The following CCDC3 variants were observed in gnomAD, a reference collection of about 807,000 sequenced individuals.
The protein encoded by CCDC3 is coiled-coil domain-containing protein 3.
A neutral mutation model predicts 21.4 loss-of-function variants in CCDC3; 24 were observed. That is an observed-to-expected ratio of 1.12 (90% CI 0.81 to 1.58). The LOEUF (loss-of-function observed/expected upper bound fraction) is 1.58. CCDC3 is among the 40% of genes most tolerant of loss of function. The pLI, the probability that CCDC3 is intolerant of heterozygous loss-of-function variation, is 0.00. For synonymous variants in CCDC3, 186 were observed against 166.0 expected (o/e 1.12, Z -0.93); for missense variants, 425 against 360.9 (o/e 1.18, Z -1.44).
intron 2 of CCDC3, among the ~76,000 whole-genome samples, chr10:12,952,393 C>T (rs1195551541): frequency 6.6e-6 from 1 of 152,142 alleles, no homozygotes; most frequent in African/African-American, 2.4e-5. Flanking sequence ...TTGAACCCAA[C>T]AAAGAAATCA....
intron 2 of CCDC3, among the ~76,000 whole-genome samples, chr10:12,921,783 C>T (rs1287331243): frequency 6.6e-6 from 1 of 152,158 alleles, no homozygotes; most frequent in Admixed American, 6.5e-5. Flanking sequence ...AACTCTGTCA[C>T]CCAGCTGGAG....
chr10:13,018,596 C>T (rs1453526778), intron 5 of CCDC3, among the ~76,000 whole-genome samples: 2 of 152,094 alleles, frequency 1.3e-5, no homozygotes, highest in Non-Finnish European at 2.9e-5. Flanking sequence ...AAGAATCTCA[C>T]AGGATTTTCG....
intron 4 of CCDC3, among the ~76,000 whole-genome samples, chr10:13,051,339 C>A (rs1836604953): frequency 6.6e-6 from 1 of 152,176 alleles, no homozygotes; most frequent in Non-Finnish European, 1.5e-5. Flanking sequence ...GTCAGAAAAG[C>A]AATGAGGTAT....
intron 4 of CCDC3, among the ~76,000 whole-genome samples, chr10:13,062,085 G>C (rs1156668887): frequency 6.6e-6 from 1 of 151,190 alleles, no homozygotes; most frequent in Non-Finnish European, 1.5e-5. Flanking sequence ...GCCAGATTCA[G>C]AAAGGAAAGT....
At chr10:13,066,147 A>C (rs2131436270) in intron 4 of CCDC3, among the ~76,000 whole-genome samples, 1 of 151,068 alleles carries the variant, frequency 6.6e-6, no homozygotes, top group South Asian at 2.1e-4. Context: ...TTGCAGCTTA[A>C]CAAGCACCCT....
At chr10:13,008,811 T>C (rs1249223705) in intron 5 of CCDC3, among the ~76,000 whole-genome samples, 1 of 152,220 alleles carries the variant, frequency 6.6e-6, no homozygotes, top group East Asian at 1.9e-4. Context: ...AAAGCATCTA[T>C]GCAGTCTACT....
rs1834669508 is a variant in CCDC3 at position 12,932,832 on chromosome 10, T to TC, written c.550-34154dup. Among the ~76,000 whole-genome samples the TC allele has an allele frequency of 2.6e-5, 4 of 152,210 alleles. No individual in the cohort carries two copies. In the South Asian group the frequency reaches 8.3e-4, roughly 32 times the overall value. On this transcript the variant is annotated intron_variant, in intron 2 of 2. Transcript: ENST00000378825. The stretch of plus-strand genomic sequence containing the variant: ...ATGTTCTTTATGAAGTTGAGACAGT[T>TC]CCCCTCTACTCCGAGTTTGCTGATA...
chr10:13,042,247 T>A (rs902655147), intron 5 of CCDC3, among the ~76,000 whole-genome samples: 5 of 152,258 alleles, frequency 3.3e-5, no homozygotes, highest in African/African-American at 7.2e-5. Flanking sequence ...GAAAACACTT[T>A]GAAAACTGCA....
At chr10:12,918,714 A>G (rs1360080524) in intron 2 of CCDC3, among the ~76,000 whole-genome samples, 1 of 152,200 alleles carries the variant, frequency 6.6e-6, no homozygotes, top group Non-Finnish European at 1.5e-5. Flanking sequence ...GATTAAACAG[A>G]TGGAAGGGGG....
At chr10:12,974,899 C>A (rs1422409659) in intron 2 of CCDC3, among the ~76,000 whole-genome samples, 1 of 152,168 alleles carries the variant, frequency 6.6e-6, no homozygotes, top group East Asian at 1.9e-4. Context: ...TTTTTGAGAA[C>A]CCACTATGCA....
intron 2 of CCDC3, among the ~76,000 whole-genome samples, chr10:12,955,980 T>C (rs1835077402): frequency 6.6e-6 from 1 of 152,146 alleles, no homozygotes; most frequent in Admixed American, 6.5e-5. Flanking sequence ...AGTGCTGGGA[T>C]TACAGATGTC....
rs543615698 is a variant in CCDC3, at chr10:13,097,526, C to A, written c.-503+999G>T. Among the ~76,000 whole-genome samples the A allele has an allele frequency of 8.4e-4, 128 of 152,292 alleles. 1 individual carries two copies. Among genetic ancestry groups the A allele is most frequent in the African/African-American group, 2.9e-3 (121 of 41,566 alleles). On this transcript the variant is annotated intron_variant, in intron 3 of 6. Coordinates refer to the CCDC3 transcript ENST00000378839. ...ATCACCCGAGGTCAGGAGTTCAATA[C>A]CAGGCTGGTCAACATGGCGAAACCT...
At chr10:12,956,596 T>C (rs1835090229) in intron 2 of CCDC3, among the ~76,000 whole-genome samples, 1 of 152,228 alleles carries the variant, frequency 6.6e-6, no homozygotes, top group Admixed American at 6.5e-5. Context: ...TGCCTGGAGC[T>C]TCTGTTGGCT....
intron 2 of CCDC3, among the ~76,000 whole-genome samples, chr10:12,933,222 T>C (rs958815224): frequency 7.9e-5 from 12 of 152,188 alleles, no homozygotes; most frequent in African/African-American, 2.7e-4. Flanking sequence ...TGTAGGGAGC[T>C]GGTACAATTT....
At chr10:13,074,160 T>TTA (rs1564340397) in intron 3 of CCDC3, 15 of 71,204 alleles carry the variant, frequency 2.1e-4, no homozygotes, top group African/African-American at 7.7e-4. Context: ...TATATTTTTT[T>TTA]TTTTTTTTTT....
intron 5 of CCDC3, among the ~76,000 whole-genome samples, chr10:13,041,548 C>G (rs1283948667): frequency 1.1e-5 from 1 of 91,968 alleles, no homozygotes; most frequent in Non-Finnish European, 1.8e-5. Flanking sequence ...TTTTTTGAGC[C>G]AGAGTCTCAC....
At chr10:12,918,026 T>C (rs927092434) in intron 2 of CCDC3, among the ~76,000 whole-genome samples, 1 of 152,212 alleles carries the variant, frequency 6.6e-6, no homozygotes, top group Non-Finnish European at 1.5e-5. Flanking sequence ...TAGAATCTAG[T>C]TGGGTATATG....
At chr10:12,920,168 G>A (rs1834425961) in intron 2 of CCDC3, among the ~76,000 whole-genome samples, 1 of 152,190 alleles carries the variant, frequency 6.6e-6, no homozygotes, top group Non-Finnish European at 1.5e-5. Context: ...CACAATCATG[G>A]TGGAAGGTGA....
intron 2 of CCDC3, among the ~76,000 whole-genome samples, chr10:12,900,726 C>T (rs1834080668): frequency 6.6e-6 from 1 of 151,270 alleles, no homozygotes; most frequent in African/African-American, 2.4e-5. Context: ...CCATCGAGCC[C>T]CACTATCTAC....
Sources: gnomAD v4.1 joint callset for allele counts (sites outside exome capture counted in the v4.1 genomes callset) on GRCh38, gnomAD v4.1.1 for gene constraint, MANE v1.5 for transcripts, NCBI Gene and HGNC (gene_info 2026-07-23, HGNC 2026-07-21) for gene names.